The following CNTN5 variants were observed in gnomAD, a reference collection of about 807,000 sequenced individuals.
CNTN5 encodes the protein contactin 5.
Under a neutral mutation model 129.1 loss-of-function variants are expected in CNTN5, and 77 were observed. The ratio of observed to expected loss-of-function variants is 0.60; its 90% CI spans 0.50 to 0.72. The LOEUF (loss-of-function observed/expected upper bound fraction) is 0.72. Ranked by LOEUF, CNTN5 falls within the 30% of genes least tolerant of loss-of-function variation. The pLI is 0.00. For missense variants in CNTN5, 1,478 were observed against 1,328.8 expected, an observed-to-expected ratio of 1.11 and a Z score of -1.75; for synonymous variants, 509 against 465.6, an observed-to-expected ratio of 1.09 and a Z score of -1.20.
intron 13 of CNTN5, among the ~76,000 whole-genome samples, chr11:100,185,596 T>G (rs1370737899): frequency 6.6e-6 from 1 of 152,216 alleles, no homozygotes; most frequent in African/African-American, 2.4e-5. Context: ...CGTAATGGAC[T>G]GAACTGTGTC....
At chr11:99,162,513 T>C (rs1343038517) in intron 1 of CNTN5, among the ~76,000 whole-genome samples, 2 of 152,196 alleles carry the variant, frequency 1.3e-5, no homozygotes, top group African/African-American at 4.8e-5. Context: ...AATCCTTGCA[T>C]TAAAATATAC....
At chr11:100,187,167 G>C (rs575529291) in intron 13 of CNTN5, among the ~76,000 whole-genome samples, 6 of 152,160 alleles carry the variant, frequency 3.9e-5, no homozygotes, top group African/African-American at 1.4e-4. Flanking sequence ...ATTGTAAATG[G>C]GATTATGTTC....
chr11:99,872,521 A>G (rs1382908138), intron 6 of CNTN5, among the ~76,000 whole-genome samples: 1 of 152,154 alleles, frequency 6.6e-6, no homozygotes, highest in Non-Finnish European at 1.5e-5. Context: ...TAAGTGAAAG[A>G]ATTACAATTG....
At chr11:99,457,658 TTTAA>T (rs1228941848) in intron 2 of CNTN5, among the ~76,000 whole-genome samples, 1 of 151,838 alleles carries the variant, frequency 6.6e-6, no homozygotes, top group Non-Finnish European at 1.5e-5. Context: ...GAAATATGTT[TTTAA>T]TTATCAGTTT....
intron 1 of CNTN5, among the ~76,000 whole-genome samples, chr11:99,027,343 T>A (rs571448690): frequency 6.6e-6 from 1 of 151,714 alleles, no homozygotes; most frequent in East Asian, 1.9e-4. Context: ...AGAGTATATT[T>A]CTGTGTTTGA....
chr11:99,417,582 C>T (rs546311288), intron 2 of CNTN5, among the ~76,000 whole-genome samples: 10 of 151,794 alleles, frequency 6.6e-5, no homozygotes, highest in Non-Finnish European at 1.0e-4. Flanking sequence ...TTGAAGTGCT[C>T]AATTATTCCT....
At chr11:100,115,832 G>T (rs12269943) in intron 13 of CNTN5, among the ~76,000 whole-genome samples, 2 of 151,808 alleles carry the variant, frequency 1.3e-5, no homozygotes, top group African/African-American at 4.8e-5. Flanking sequence ...AAGGTATTTT[G>T]GGTTTTGAAA....
At chr11:99,866,333 A>G (rs1172966790) in intron 6 of CNTN5, among the ~76,000 whole-genome samples, 3 of 151,888 alleles carry the variant, frequency 2.0e-5, no homozygotes, top group Admixed American at 6.6e-5. Context: ...GGTATTTAGT[A>G]TTTTTTTTCC....
At chr11:99,777,892 C>T (rs1019746755) in intron 3 of CNTN5, among the ~76,000 whole-genome samples, 2 of 151,766 alleles carry the variant, frequency 1.3e-5, no homozygotes, top group African/African-American at 2.4e-5. Flanking sequence ...ATATATAATA[C>T]TACATGTGAA....
At chr11:99,396,066 C>G (rs1379123587) in intron 2 of CNTN5, among the ~76,000 whole-genome samples, 1 of 151,676 alleles carries the variant, frequency 6.6e-6, no homozygotes, top group East Asian at 1.9e-4. Flanking sequence ...ATGGCTTTCT[C>G]TAGTTCTGTG....
intron 13 of CNTN5, among the ~76,000 whole-genome samples, chr11:100,173,221 C>A (rs1347950167): frequency 6.6e-6 from 1 of 152,050 alleles, no homozygotes; most frequent in African/African-American, 2.4e-5. Flanking sequence ...CCATTCCTCA[C>A]CCCTTTACAT....
chr11:100,000,683 T>G (rs1166448872), intron 8 of CNTN5, among the ~76,000 whole-genome samples: 1 of 152,196 alleles, frequency 6.6e-6, no homozygotes, highest in African/African-American at 2.4e-5. Flanking sequence ...CCCCTCTGCA[T>G]TGCCCTAGTA....
intron 9 of CNTN5, among the ~76,000 whole-genome samples, chr11:100,014,556 G>A (rs1940719978): frequency 6.6e-6 from 1 of 151,992 alleles, no homozygotes; most frequent in Non-Finnish European, 1.5e-5. Flanking sequence ...ACTCCAGCCT[G>A]TCTAAAGAGT....
At position 99,156,498 on chromosome 11, in the gene CNTN5, G is replaced by A. The variant is rs188230849; in HGVS notation, c.-210+135228G>A. ...AATAAAGCCTTTTTAGAACATTCAT[G>A]ACATCATTAAAATTTTTAGCTTATA... On this transcript the variant is annotated intron_variant, in intron 1 of 24. Coordinates refer to ENST00000524871, the MANE Select transcript of CNTN5 (RefSeq NM_014361.4). Among the ~76,000 whole-genome samples, 395 of 152,062 alleles carry A rather than the reference G, an allele frequency of 2.6e-3. 3 individuals are homozygous for A. Among genetic ancestry groups the A allele is most frequent in the African/African-American group, 9.1e-3 (376 of 41,536 alleles).
At chr11:99,625,001 T>G (rs1951078520) in intron 3 of CNTN5, among the ~76,000 whole-genome samples, 1 of 152,206 alleles carries the variant, frequency 6.6e-6, no homozygotes, top group Admixed American at 6.5e-5. Context: ...GATGCTGTTT[T>G]GTTTACCATG....
intron 1 of CNTN5, among the ~76,000 whole-genome samples, chr11:99,129,755 A>C (rs1262495043): frequency 6.6e-6 from 1 of 152,206 alleles, no homozygotes; most frequent in South Asian, 2.1e-4. Context: ...TCAGACTAAC[A>C]GTGGACTTCT....
chr11:99,648,695 G>GGT (rs1952052834), intron 3 of CNTN5, among the ~76,000 whole-genome samples: 1 of 151,658 alleles, frequency 6.6e-6, no homozygotes, highest in African/African-American at 2.4e-5. Context: ...AAGAGAATGT[G>GGT]GTATATATTT....
intron 13 of CNTN5, among the ~76,000 whole-genome samples, chr11:100,098,886 G>A (rs1427897155): frequency 3.9e-5 from 6 of 151,974 alleles, no homozygotes; most frequent in African/African-American, 7.3e-5. Context: ...TTGTTCACCC[G>A]GTGGTGAGCA....
At chr11:99,629,299 A>G (rs1276382201) in intron 3 of CNTN5, among the ~76,000 whole-genome samples, 1 of 152,056 alleles carries the variant, frequency 6.6e-6, no homozygotes, top group Non-Finnish European at 1.5e-5. Flanking sequence ...TAAAACAATG[A>G]TATTTCACTA....
Sources: gnomAD v4.1 joint callset for allele counts (sites outside exome capture counted in the v4.1 genomes callset) on GRCh38, gnomAD v4.1.1 for gene constraint, MANE v1.5 for transcripts, NCBI Gene and HGNC (gene_info 2026-07-23, HGNC 2026-07-21) for gene names.